PARD6G: variants seen among roughly 807,000 people sequenced by gnomAD.
PARD6G encodes partitioning defective 6 homolog gamma.
Under a neutral mutation model 10.7 loss-of-function variants are expected in PARD6G, and 7 were observed. The ratio of observed to expected loss-of-function variants is 0.66; its 90% CI spans 0.37 to 1.23. PARD6G has a LOEUF of 1.23. Ranked by LOEUF, PARD6G falls within the 50% of genes most tolerant of loss-of-function variation. The pLI, the probability that PARD6G is intolerant of heterozygous loss-of-function variation, is 0.02. For synonymous variants in PARD6G, 287 were observed against 269.4 expected (o/e 1.07, Z -0.64); for missense variants, 548 against 571.8 (o/e 0.96, Z 0.42).
Position 80,159,612 on chromosome 18 carries a change from A to G in PARD6G, c.*159T>C. On this transcript the variant is annotated 3_prime_UTR_variant, in exon 3 of 3. Coordinates refer to ENST00000353265, the MANE Select transcript of PARD6G (RefSeq NM_032510.4). Reference sequence around the variant, plus strand: ...AGTTCTGTGGCGAAATTCTATAAAAATAGGCAATACTTGTGTTTTTATATC... The same window carrying G: ...AGTTCTGTGGCGAAATTCTATAAAAGTAGGCAATACTTGTGTTTTTATATC... The G allele has an allele frequency of 8.6e-7, 1 of 1,162,076 alleles. No individual in the cohort carries two copies. The highest frequency in any genetic ancestry group is 3.3e-5 in the East Asian group (1 of 30,704). 72.0% of individuals were successfully genotyped at this position (1,162,076 alleles called of 1,614,324 possible).
chr18:80,237,865 A>G (rs887814878), intron 1 of PARD6G, among the ~76,000 whole-genome samples: 7 of 152,128 alleles, frequency 4.6e-5, no homozygotes, highest in African/African-American at 7.2e-5. Flanking sequence ...TGGAGAGGAT[A>G]TGGAGAAATA....
At chr18:80,213,119 T>C (rs1036480493) in intron 1 of PARD6G, among the ~76,000 whole-genome samples, 1 of 152,182 alleles carries the variant, frequency 6.6e-6, no homozygotes, top group South Asian at 2.1e-4. Flanking sequence ...AACCTATCGA[T>C]GATAAGTGAG....
At chr18:80,172,461 C>A (rs898328756) in intron 2 of PARD6G, among the ~76,000 whole-genome samples, 30 of 151,890 alleles carry the variant, frequency 2.0e-4, no homozygotes, top group Middle Eastern at 3.4e-3. Flanking sequence ...TCACTGCAAC[C>A]TCTGCCTCCC....
chr18:80,213,994 C>T lies in PARD6G; in HGVS notation c.73-11062G>A, dbSNP rs972419782. 4.1e-5 allele frequency among the ~76,000 whole-genome samples: 6 copies of T among 146,010 alleles called. No homozygotes were observed. In the East Asian group the frequency reaches 9.9e-4, roughly 24 times the overall value. ...GTTTTGAGCAAAACTAAGAGATACA[C>T]AAAGAAACTGAAATAAAAAGCCCAT... On this transcript the variant is annotated intron_variant, in intron 1 of 2. Transcript: ENST00000353265.
In PARD6G at chr18:80,159,836, G is replaced by C. The variant is rs1311462763; in HGVS notation, c.1066C>G (p.Pro356Ala). 1.3e-6 allele frequency: 2 copies of C among 1,492,148 alleles called. No homozygotes were observed. Among genetic ancestry groups the C allele is most frequent in the Non-Finnish European group, 1.8e-6 (2 of 1,125,956 alleles). The allele number at this position is 1,492,148 out of a possible 1,614,324, so 92.4% of individuals were successfully genotyped here. A position where few individuals can be genotyped will look rare whatever the true frequency, so the allele number is the denominator to read the frequency against. ...GGCGGCAGCGCCAGGCTGTGACGGG[G>C]GTCGGCCCGCAGGGAGCTGAGCAGC... ...QRLLSSLRAD[P>A]RHSLALPPGG... Residue 356 changes from proline (P) to alanine (A), a missense_variant, in exon 3 of 3, where the codon CCC becomes GCC. By Grantham distance (27) the Pro-to-Ala change is conservative. This residue lies in a region of PARD6G where 313 missense variants were observed against 279.9 expected (regional missense o/e 1.12). Transcript: ENST00000353265.
At chr18:80,220,061 A>C (rs1485089749) in intron 1 of PARD6G, among the ~76,000 whole-genome samples, 1 of 152,142 alleles carries the variant, frequency 6.6e-6, no homozygotes, top group African/African-American at 2.4e-5. Context: ...GTAATTTATA[A>C]AGGAAAAAGG....
At position 80,246,140 on chromosome 18, in the gene PARD6G, G is replaced by A. The variant is rs1967542997; in HGVS notation, c.72+1137C>T. ...TGCGCCCAAGATAGGCACACAGTTA[G>A]GGGTGCGGGCTCCCACTCCGCCGTT... On this transcript the variant is annotated intron_variant, in intron 1 of 2. Coordinates refer to ENST00000353265, the MANE Select transcript of PARD6G (RefSeq NM_032510.4). This position sits in a 1 kb window ranked among gnomAD's most constrained non-coding sequence, Gnocchi z 6.7. 6.6e-6 allele frequency among the ~76,000 whole-genome samples: 1 copy of A among 152,112 alleles called. No homozygotes were observed. The highest frequency in any genetic ancestry group is 2.1e-4 in the South Asian group (1 of 4,826).
rs777171089 is a variant in PARD6G at position 80,181,306 on chromosome 18, G to A, written c.296-20700C>T. 6.6e-6 allele frequency among the ~76,000 whole-genome samples: 1 copy of A among 152,152 alleles called. No individual in the cohort carries two copies. The highest frequency in any genetic ancestry group is 2.4e-5 in the African/African-American group (1 of 41,420). The stretch of plus-strand genomic sequence containing the variant: ...CCCTGGTCCCTCAGCCAAGTCAGCC[G>A]ATGTCCCCAGCTGGGATGTCTGCGG... On this transcript the variant is annotated intron_variant, in intron 2 of 2. Coordinates refer to ENST00000353265, the MANE Select transcript of PARD6G (RefSeq NM_032510.4). The surrounding 1 kb of genome is among the most constrained non-coding windows in gnomAD (Gnocchi z 7.9).
At chr18:80,193,367 C>A (rs1018930876) in intron 2 of PARD6G, among the ~76,000 whole-genome samples, 15 of 152,166 alleles carry the variant, frequency 9.9e-5, no homozygotes, top group African/African-American at 3.6e-4. Flanking sequence ...AATCCCTCAC[C>A]CTTTGATTTG....
chr18:80,195,544 G>GATATATATATATATAT (rs1235414160), intron 2 of PARD6G, among the ~76,000 whole-genome samples: 3 of 23,682 alleles, frequency 1.3e-4, no homozygotes, highest in African/African-American at 1.8e-4. Flanking sequence ...AGTCTTCAAA[G>GATATATATATATATAT]ATACATATAT....
At chr18:80,243,503 C>A (rs1288657398) in intron 1 of PARD6G, among the ~76,000 whole-genome samples, 1 of 152,138 alleles carries the variant, frequency 6.6e-6, no homozygotes, top group African/African-American at 2.4e-5. Context: ...GCTGTGGTTT[C>A]TAAATTTCCT....
intron 2 of PARD6G, among the ~76,000 whole-genome samples, chr18:80,199,623 G>A (rs943440018): frequency 6.6e-6 from 1 of 152,146 alleles, no homozygotes; most frequent in Admixed American, 6.5e-5. Context: ...TGGAGGAAGA[G>A]ATTATTTTAA....
At position 80,159,675 on chromosome 18, in the gene PARD6G, C is replaced by T; in HGVS notation, c.*96G>A. 1.5e-6 allele frequency: 2 copies of T among 1,313,756 alleles called. No individual in the cohort carries two copies. Among genetic ancestry groups the T allele is most frequent in the Non-Finnish European group, 9.7e-7 (1 of 1,029,574 alleles). 81.4% of individuals were successfully genotyped at this position (1,313,756 alleles called of 1,614,324 possible). A position where few individuals can be genotyped will look rare whatever the true frequency, so the allele number is the denominator to read the frequency against. On this transcript the variant is annotated 3_prime_UTR_variant, in exon 3 of 3. Transcript: ENST00000353265. ...CAAAGAGCAGCGTTGTTTTTGTGGT[C>T]ACAAAAACAACAAAAAATGAGCGGA...
At chr18:80,199,085 A>G (rs1020794892) in intron 2 of PARD6G, among the ~76,000 whole-genome samples, 2 of 152,170 alleles carry the variant, frequency 1.3e-5, no homozygotes, top group African/African-American at 4.8e-5. Flanking sequence ...TTTTCACATT[A>G]CAGAGGATTC....
rs2052848848 is a variant in PARD6G at position 80,181,577 on chromosome 18, A to C, written c.296-20971T>G. ...GTAGGTGTGCCCTTCCCCTAAACTCAGCAGATCGGATCTACCTCCCCTCTC... is the reference window on the plus strand; with the variant it reads ...GTAGGTGTGCCCTTCCCCTAAACTCCGCAGATCGGATCTACCTCCCCTCTC... On this transcript the variant is annotated intron_variant, in intron 2 of 2. Coordinates refer to ENST00000353265, the MANE Select transcript of PARD6G (RefSeq NM_032510.4). This position sits in a 1 kb window ranked among gnomAD's most constrained non-coding sequence, Gnocchi z 7.9. Among the ~76,000 whole-genome samples the C allele has an allele frequency of 6.6e-6, 1 of 152,092 alleles. No individual in the cohort carries two copies. Among genetic ancestry groups the C allele is most frequent in the South Asian group, 2.1e-4 (1 of 4,814 alleles).
rs1478807685 is a variant in PARD6G, at chr18:80,228,224, C to G, written c.72+19053G>C. On this transcript the variant is annotated intron_variant, in intron 1 of 2. Coordinates refer to ENST00000353265, the MANE Select transcript of PARD6G (RefSeq NM_032510.4). This position sits in a 1 kb window ranked among gnomAD's most constrained non-coding sequence, Gnocchi z 4.6. ...ACCTGGTGCTCAGGAAGTCACATCC[C>G]ACGGGGGAGACGGCAGCGAGCAGAG... Among the ~76,000 whole-genome samples, 1 of 152,118 alleles carries G rather than the reference C, an allele frequency of 6.6e-6. No homozygotes were observed. Among genetic ancestry groups the G allele is most frequent in the Non-Finnish European group, 1.5e-5 (1 of 68,028 alleles).
chr18:80,164,481 C>A (rs559747667), intron 2 of PARD6G, among the ~76,000 whole-genome samples: 2 of 152,228 alleles, frequency 1.3e-5, no homozygotes, highest in African/African-American at 2.4e-5. Context: ...CTGCTCTTCA[C>A]GTCACAACTG....
chr18:80,185,736 ACT>A (rs1275355703), intron 2 of PARD6G, among the ~76,000 whole-genome samples: 5 of 130,384 alleles, frequency 3.8e-5, no homozygotes, highest in Admixed American at 1.5e-4. Context: ...ACGCATATAC[ACT>A]CAGACATGCT....
chr18:80,187,369 G>C (rs926572468), intron 2 of PARD6G, among the ~76,000 whole-genome samples: 1 of 152,182 alleles, frequency 6.6e-6, no homozygotes, highest in Non-Finnish European at 1.5e-5. Context: ...GAGTAGACAG[G>C]GCTGTGTCCC....
Sources: allele counts gnomAD v4.1 joint callset (sites outside exome capture counted in the v4.1 genomes callset), GRCh38; gene constraint gnomAD v4.1.1; regional missense constraint gnomAD v4.1.1; non-coding constraint Gnocchi (gnomAD v3.1); transcripts MANE v1.5; gene names NCBI Gene and HGNC (gene_info 2026-07-23, HGNC 2026-07-21).